Variants in GPC6 observed in about 807,000 individuals in gnomAD.
GPC6 encodes glypican-6.
In GPC6, 14 loss-of-function variants were observed where a neutral mutation model predicts 55.2. That is an observed-to-expected ratio of 0.25 (90% confidence interval 0.17 to 0.40). GPC6 has a LOEUF of 0.40. Among genes scored for constraint, GPC6 ranks in the 10% least tolerant of loss-of-function variants. The probability of loss-of-function intolerance (pLI) is 1.00; values close to 1 mark genes in which losing one functional copy is unlikely to be tolerated. For synonymous variants in GPC6, 278 were observed against 259.6 expected (o/e 1.07, Z -0.68); for missense variants, 641 against 708.5 (o/e 0.90, Z 1.08).
chr13:94,399,509 A>G (rs77503974), intron 8 of GPC6, among the ~76,000 whole-genome samples: 9,818 of 152,306 alleles, frequency 0.064, 426 homozygotes, highest in Non-Finnish European at 0.097. Flanking sequence ...TTCCCAGGAC[A>G]AGGATTCTTG....
At chr13:94,320,810 C>G (rs976484056) in intron 6 of GPC6, among the ~76,000 whole-genome samples, 1 of 152,194 alleles carries the variant, frequency 6.6e-6, no homozygotes, top group Non-Finnish European at 1.5e-5. Flanking sequence ...CCTACATGCT[C>G]TATTTCATGT....
At chr13:93,430,224 T>C (rs7334839) in intron 1 of GPC6, among the ~76,000 whole-genome samples, 36,999 of 151,988 alleles carry the variant, frequency 0.24, 4,465 homozygotes, top group Middle Eastern at 0.29. Context: ...AGTGATATAT[T>C]TTTTAAGTCT....
At chr13:93,918,273 T>C (rs966384410) in intron 3 of GPC6, among the ~76,000 whole-genome samples, 4 of 152,154 alleles carry the variant, frequency 2.6e-5, no homozygotes, top group Non-Finnish European at 5.9e-5. Flanking sequence ...ATTTATCAAA[T>C]ATTTTAAAGG....
intron 1 of GPC6, among the ~76,000 whole-genome samples, chr13:93,532,329 TGTGA>T (rs1248524531): frequency 2.6e-5 from 4 of 152,142 alleles, no homozygotes; most frequent in African/African-American, 9.7e-5. Context: ...GTGTGTGTAA[TGTGA>T]GTGTGTGTGT....
At position 93,676,126 on chromosome 13, in the gene GPC6, AATATATATATATATATATATATAT is replaced by A. The variant is rs764101821; in HGVS notation, c.319+130725_319+130748del. 5.1e-3 allele frequency among the ~76,000 whole-genome samples: 80 copies of A among 15,682 alleles called. 4 individuals carry two copies. The highest frequency in any genetic ancestry group is 0.014 in the Non-Finnish European group (65 of 4,682). 10.3% of individuals were successfully genotyped at this position (15,682 alleles called of 152,430 possible). A position where few individuals can be genotyped will look rare whatever the true frequency, so the allele number is the denominator to read the frequency against. On this transcript the variant is annotated intron_variant, in intron 2 of 8. Transcript: ENST00000377047. Reference sequence around the variant, plus strand: ...TCTACTAAAAAAAAAAAAAAAAAAAAATATATATATATATATATATATATATATATATATATATATATACATACA... The same window carrying A: ...TCTACTAAAAAAAAAAAAAAAAAAAAATATATATATATATATATACATACA...
At chr13:93,786,118 C>T (rs544459371) in intron 2 of GPC6, among the ~76,000 whole-genome samples, 1 of 152,196 alleles carries the variant, frequency 6.6e-6, no homozygotes, top group South Asian at 2.1e-4. Context: ...GCCAAACACT[C>T]AGATGTTATT....
At chr13:93,327,471 A>G (rs944029565) in intron 1 of GPC6, among the ~76,000 whole-genome samples, 6 of 152,182 alleles carry the variant, frequency 3.9e-5, no homozygotes, top group Non-Finnish European at 5.9e-5. Flanking sequence ...CAGGAAAAAA[A>G]TCAATTGCAT....
At chr13:94,271,136 T>G (rs932372146) in intron 4 of GPC6, among the ~76,000 whole-genome samples, 39 of 150,332 alleles carry the variant, frequency 2.6e-4, no homozygotes, top group Middle Eastern at 3.4e-3. Flanking sequence ...GACTACAGGC[T>G]CCCGCCACCA....
intron 3 of GPC6, among the ~76,000 whole-genome samples, chr13:93,902,941 A>C (rs1876440118): frequency 2.0e-5 from 3 of 152,146 alleles, no homozygotes; most frequent in Non-Finnish European, 4.4e-5. Context: ...CTTATAGCCT[A>C]CTGGTTTCAA....
intron 3 of GPC6, among the ~76,000 whole-genome samples, chr13:93,943,408 A>T (rs967751160): frequency 6.6e-6 from 1 of 152,120 alleles, no homozygotes; most frequent in African/African-American, 2.4e-5. Context: ...CAGAGCTAGA[A>T]ATGTATATCC....
chr13:93,313,307 GA>G (rs1879136561), intron 1 of GPC6, among the ~76,000 whole-genome samples: 1 of 151,758 alleles, frequency 6.6e-6, no homozygotes, highest in African/African-American at 2.4e-5. Flanking sequence ...TTTTTCCTTG[GA>G]TAACTACTTC....
intron 1 of GPC6, among the ~76,000 whole-genome samples, chr13:93,486,432 T>C (rs1196890303): frequency 6.6e-6 from 1 of 152,188 alleles, no homozygotes; most frequent in Admixed American, 6.5e-5. Context: ...TGTTAACAGG[T>C]GATACATGAA....
At chr13:93,574,479 T>G (rs1437264036) in intron 2 of GPC6, among the ~76,000 whole-genome samples, 1 of 152,182 alleles carries the variant, frequency 6.6e-6, no homozygotes, top group Non-Finnish European at 1.5e-5. Flanking sequence ...CTTACTTTCT[T>G]GATTTTGGAC....
rs1404482015 is a variant in GPC6 at position 94,374,831 on chromosome 13, T to G, written c.1153-7583T>G. 3.1e-5 allele frequency among the ~76,000 whole-genome samples: 4 copies of G among 129,286 alleles called. No homozygotes were observed. The East Asian group carries it at 9.1e-4, about 30-fold the overall frequency. 84.8% of individuals were successfully genotyped at this position (129,286 alleles called of 152,430 possible). A position where few individuals can be genotyped will look rare whatever the true frequency, so the allele number is the denominator to read the frequency against. On this transcript the variant is annotated intron_variant, in intron 6 of 8. Transcript: ENST00000377047. Reference sequence around the variant, plus strand: ...TGGAAGTAAAGCTCTCCTCAGCAAATGTAAAAGAACAGAAATTATAACAAA... The same window carrying G: ...TGGAAGTAAAGCTCTCCTCAGCAAAGGTAAAAGAACAGAAATTATAACAAA...
At chr13:94,083,425 T>A (rs58463765) in intron 4 of GPC6, among the ~76,000 whole-genome samples, 26,740 of 152,260 alleles carry the variant, frequency 0.18, 2,667 homozygotes, top group Middle Eastern at 0.32. Context: ...GCCAGGTTTT[T>A]CTTTTTTAAT....
intron 2 of GPC6, among the ~76,000 whole-genome samples, chr13:93,812,475 T>C (rs1378218692): frequency 6.6e-6 from 1 of 152,080 alleles, no homozygotes; most frequent in African/African-American, 2.4e-5. Flanking sequence ...GAGTGAAGGA[T>C]ATACAGGTTT....
chr13:94,350,986 T>G (rs1412112275), intron 6 of GPC6, among the ~76,000 whole-genome samples: 1 of 152,202 alleles, frequency 6.6e-6, no homozygotes, highest in African/African-American at 2.4e-5. Flanking sequence ...GCCCTGAATC[T>G]CTGAAGTTTA....
At chr13:93,791,470 T>A (rs1886032865) in intron 2 of GPC6, among the ~76,000 whole-genome samples, 1 of 152,224 alleles carries the variant, frequency 6.6e-6, no homozygotes, top group Admixed American at 6.5e-5. Context: ...TATTATACAT[T>A]TATTTCCAAA....
rs141764380 is a variant in GPC6 at position 94,273,753 on chromosome 13, G to A, written c.878-12596G>A. Among the ~76,000 whole-genome samples, 320 of 152,230 alleles carry A rather than the reference G, an allele frequency of 2.1e-3. 1 individual carries two copies. The highest frequency in any genetic ancestry group is 7.1e-3 in the African/African-American group (295 of 41,534). On this transcript the variant is annotated intron_variant, in intron 4 of 8. Transcript: ENST00000377047. ...TGGTCCAAATTAATCCACTAGCTAC[G>A]AAAACACGGTAGGAGGCACTAGAAA...
Sources: gnomAD v4.1 joint callset for allele counts (sites outside exome capture counted in the v4.1 genomes callset) on GRCh38, gnomAD v4.1.1 for gene constraint, MANE v1.5 for transcripts, NCBI Gene and HGNC (gene_info 2026-07-23, HGNC 2026-07-21) for gene names.